Variants in ING4 observed in about 807,000 individuals in gnomAD.
ING4 encodes the protein inhibitor of growth family member 4.
ING4 carries 28 observed loss-of-function variants against 33.1 expected under a neutral mutation model. The ratio of observed to expected loss-of-function variants is 0.85; its 90% CI spans 0.63 to 1.16. ING4 has a LOEUF of 1.16. ING4 is among the 50% of genes most tolerant of loss of function. ING4 has a pLI of 0.00. For synonymous variants in ING4, 87 were observed against 104.4 expected (o/e 0.83, Z 1.02); for missense variants, 247 against 314.7 (o/e 0.78, Z 1.63).
At chr12:6,656,337 G>A (rs1294817937) in intron 2 of ING4, 2 of 240,146 alleles carry the variant, frequency 8.3e-6, no homozygotes, top group Non-Finnish European at 1.6e-5. Context: ...CACCACACCT[G>A]GCTAGTTTTT....
chr12:6,658,949 A>G (rs1483918407), intron 1 of ING4, among the ~76,000 whole-genome samples: 1 of 152,046 alleles, frequency 6.6e-6, no homozygotes, highest in African/African-American at 2.4e-5. Context: ...CTCTAGTTGG[A>G]ATGCACCGCT....
intron 1 of ING4, among the ~76,000 whole-genome samples, chr12:6,662,465 T>C (rs989184357): frequency 6.6e-6 from 1 of 152,036 alleles, no homozygotes; most frequent in Non-Finnish European, 1.5e-5. Context: ...CAATAAATAT[T>C]TGTTGAATAA....
chr12:6,655,732 C>A, intron 2 of ING4: 1 of 492,116 alleles, frequency 2.0e-6, no homozygotes, highest in Non-Finnish European at 3.4e-6. Flanking sequence ...GACACAGCTT[C>A]ATGTATCTCA....
intron 2 of ING4, among the ~76,000 whole-genome samples, chr12:6,654,938 T>C (rs1476811212): frequency 6.6e-6 from 1 of 152,226 alleles, no homozygotes; most frequent in African/African-American, 2.4e-5. Flanking sequence ...TTGGCCAGGC[T>C]GGTCTCGAAG....
chr12:6,657,945 A>AT (rs1245514510), intron 1 of ING4: 1 of 150,294 alleles, frequency 6.7e-6, no homozygotes, highest in East Asian at 2.0e-4. Flanking sequence ...AAAAAAAAAA[A>AT]GCTCTTCCCT....
At chr12:6,654,646 T>A (rs1053607947) in intron 2 of ING4, among the ~76,000 whole-genome samples, 2 of 152,110 alleles carry the variant, frequency 1.3e-5, no homozygotes, top group African/African-American at 4.8e-5. Flanking sequence ...CTGCCCATCC[T>A]ATTTGGCTCA....
chr12:6,661,570 T>C (rs1197651660), intron 1 of ING4, among the ~76,000 whole-genome samples: 1 of 151,740 alleles, frequency 6.6e-6, no homozygotes, highest in East Asian at 1.9e-4. Context: ...TACAGTCACA[T>C]GCCACCATGC....
In ING4 at chr12:6,653,219, C is replaced by A; in HGVS notation, c.276+11G>T. On this transcript the variant is annotated intron_variant, in intron 3 of 7. Transcript: ENST00000341550. ...TGGGAAGTAGGTGGGGAGCCATGAACAGGGCCATACCATCTCATAGGTCTG... is the reference window on the plus strand; with the variant it reads ...TGGGAAGTAGGTGGGGAGCCATGAAAAGGGCCATACCATCTCATAGGTCTG... 1 of 1,613,684 alleles carries A rather than the reference C, an allele frequency of 6.2e-7. No individual in the cohort carries two copies. The highest frequency in any genetic ancestry group is 1.1e-5 in the South Asian group (1 of 91,042).
chr12:6,652,014 T>C (rs1949197449), intron 6 of ING4, among the ~76,000 whole-genome samples: 1 of 151,414 alleles, frequency 6.6e-6, no homozygotes, highest in Non-Finnish European at 1.5e-5. Flanking sequence ...CGTGTGCCAC[T>C]ATGCTCAGCT....
intron 1 of ING4, among the ~76,000 whole-genome samples, chr12:6,658,100 C>T (rs1949430135): frequency 6.6e-6 from 1 of 151,600 alleles, no homozygotes; most frequent in South Asian, 2.1e-4. Context: ...GCTGGGACCA[C>T]AGGCGCGCGC....
In ING4 at chr12:6,652,669, C is replaced by A; in HGVS notation, c.490G>T (p.Val164Leu). ...PKTAQKKLKLVRTSPEYGMPS... is the reference protein window; with the variant it reads ...PKTAQKKLKLLRTSPEYGMPS... ...GCTCCCTGAATCACTCACGTGCGCA[C>A]GAGCTTTAACTTCTTCTGGGCAGTC... Residue 164 changes from valine to leucine, a missense_variant, in exon 5 of 8, where the codon GTG (valine) becomes TTG (leucine). Coordinates refer to ENST00000341550, the MANE Select transcript of ING4 (RefSeq NM_016162.4). 6.2e-7 allele frequency: 1 copy of A among 1,613,750 alleles called. No homozygotes were observed. Among genetic ancestry groups the A allele is most frequent in the Non-Finnish European group, 8.5e-7 (1 of 1,179,894 alleles).
At chr12:6,661,721 C>G (rs1233084117) in intron 1 of ING4, among the ~76,000 whole-genome samples, 3 of 151,954 alleles carry the variant, frequency 2.0e-5, no homozygotes, top group Admixed American at 2.0e-4. Context: ...CTACTGTGCC[C>G]AGCCTGTCTA....
Position 6,653,255 on chromosome 12 carries a change from T to C in ING4, c.251A>G (p.Gln84Arg). The change falls in exon 3 of 8, where the codon CAG becomes CGG. Residue 84 changes from glutamine (Q) to arginine (R), a missense_variant. Transcript: ENST00000341550. ...CATCTCATAGGTCTGCATGGCAAGC[T>C]GCACCTTGTCGTCACCAAATTCCTT... The part of the protein sequence containing the change: ...KCKEFGDDKV[Q>R]LAMQTYEMVD... 6.2e-7 allele frequency: 1 copy of C among 1,614,208 alleles called. No individual in the cohort carries two copies. Among genetic ancestry groups the C allele is most frequent in the Non-Finnish European group, 8.5e-7 (1 of 1,180,038 alleles).
chr12:6,660,923 G>C (rs1287573623), intron 1 of ING4, among the ~76,000 whole-genome samples: 4 of 151,642 alleles, frequency 2.6e-5, no homozygotes, highest in Admixed American at 6.6e-5. Context: ...CTCCCAAGTA[G>C]CTGGGATTAC....
intron 2 of ING4, among the ~76,000 whole-genome samples, chr12:6,655,357 T>C (rs1455257728): frequency 6.6e-6 from 1 of 152,230 alleles, no homozygotes; most frequent in Non-Finnish European, 1.5e-5. Flanking sequence ...AATGTTTTAA[T>C]ATTGGAAGAA....
At chr12:6,658,795 C>T (rs1023264162) in intron 1 of ING4, among the ~76,000 whole-genome samples, 13 of 152,200 alleles carry the variant, frequency 8.5e-5, no homozygotes, top group Non-Finnish European at 1.6e-4. Context: ...AGATGTTCTG[C>T]GCTTTCTGGC....
chr12:6,659,437 G>T (rs7958346), intron 1 of ING4, among the ~76,000 whole-genome samples: 3,344 of 152,138 alleles, frequency 0.022, 144 homozygotes, highest in African/African-American at 0.076. Context: ...AATCCGGGAG[G>T]TGGAGGTTGC....
chr12:6,651,189 C>T lies in ING4; in HGVS notation c.*6G>A, dbSNP rs943663403. 3.7e-6 allele frequency: 6 copies of T among 1,614,118 alleles called. No individual in the cohort carries two copies. In the African/African-American group the frequency reaches 6.7e-5, roughly 18 times the overall value. ...AAGAAACTGTGTTGGAATCCAAGGC[C>T]CTTATCTATTTCTTCTTCCGTTCTT... On this transcript the variant is annotated 3_prime_UTR_variant, in exon 8 of 8. Transcript: ENST00000341550.
intron 2 of ING4, among the ~76,000 whole-genome samples, chr12:6,653,789 C>T (rs1949260812): frequency 6.6e-6 from 1 of 152,216 alleles, no homozygotes; most frequent in Non-Finnish European, 1.5e-5. Context: ...CAGTTGTCTG[C>T]CGCAAATCAG....
Sources: gnomAD v4.1 joint callset for allele counts (sites outside exome capture counted in the v4.1 genomes callset) on GRCh38, gnomAD v4.1.1 for gene constraint, MANE v1.5 for transcripts, NCBI Gene and HGNC (gene_info 2026-07-23, HGNC 2026-07-21) for gene names.